Variants in PTPRM observed in about 807,000 individuals in gnomAD.
The protein encoded by PTPRM is receptor-type tyrosine-protein phosphatase mu.
In PTPRM, 47 loss-of-function variants were observed where a neutral mutation model predicts 186.7. The observed-to-expected ratio is 0.25, with a 90% CI of 0.20 to 0.32. The LOEUF (loss-of-function observed/expected upper bound fraction) is 0.32. Ranked by LOEUF, PTPRM falls within the 10% of genes least tolerant of loss-of-function variation. PTPRM has a pLI of 1.00. For synonymous variants in PTPRM, 668 were observed against 674.9 expected, an observed-to-expected ratio of 0.99 and a Z score of 0.16; for missense variants, 1,494 against 1,865.0, an observed-to-expected ratio of 0.80 and a Z score of 3.66.
At chr18:8,004,408 AT>A (rs1188753724) in intron 7 of PTPRM, among the ~76,000 whole-genome samples, 1 of 151,838 alleles carries the variant, frequency 6.6e-6, no homozygotes, top group Non-Finnish European at 1.5e-5. Flanking sequence ...AATGGATAAC[AT>A]TTGGCATGAG....
chr18:7,937,929 C>G (rs978200487), intron 5 of PTPRM, among the ~76,000 whole-genome samples: 1 of 152,110 alleles, frequency 6.6e-6, no homozygotes, highest in Non-Finnish European at 1.5e-5. Flanking sequence ...CTGTCCTGGT[C>G]CATTTCAGGG....
intron 7 of PTPRM, among the ~76,000 whole-genome samples, chr18:7,956,158 G>C (rs1568073359): frequency 6.6e-6 from 1 of 152,184 alleles, no homozygotes; most frequent in Non-Finnish European, 1.5e-5. Flanking sequence ...GTGCTCTTTT[G>C]TCTTGTAAAT....
At chr18:8,243,651 GTCTTC>G (rs377162020) in intron 14 of PTPRM, among the ~76,000 whole-genome samples, 107 of 152,292 alleles carry the variant, frequency 7.0e-4, no homozygotes, top group African/African-American at 2.4e-3. Context: ...ACTCAAGGGA[GTCTTC>G]TCTTTGACAC....
chr18:7,656,052 T>C (rs1386904151), intron 1 of PTPRM, among the ~76,000 whole-genome samples: 1 of 152,164 alleles, frequency 6.6e-6, no homozygotes, highest in East Asian at 1.9e-4. Flanking sequence ...TGATCCAACA[T>C]TGGATGCAAC....
At chr18:7,926,327 T>C (rs1462684381) in intron 4 of PTPRM, among the ~76,000 whole-genome samples, 1 of 152,184 alleles carries the variant, frequency 6.6e-6, no homozygotes, top group Non-Finnish European at 1.5e-5. Context: ...AATATCTCCT[T>C]TCTGTTTCAT....
Position 7,862,558 on chromosome 18 carries a change from T to C in PTPRM, c.197-25548T>C, listed in dbSNP as rs141509080. On this transcript the variant is annotated intron_variant, in intron 2 of 32. Transcript: ENST00000580170. ...CCTCCCAGGGATTTCTCTGATTCCA[T>C]TGAAGAAAGTTTTAAGCAAGTGAAT... 4.9e-3 allele frequency among the ~76,000 whole-genome samples: 750 copies of C among 152,258 alleles called. 7 individuals are homozygous for C. The highest frequency in any genetic ancestry group is 0.027 in the Admixed American group (406 of 15,284).
At chr18:8,299,658 A>T (rs1235227624) in intron 20 of PTPRM, among the ~76,000 whole-genome samples, 1 of 152,166 alleles carries the variant, frequency 6.6e-6, no homozygotes, top group Non-Finnish European at 1.5e-5. Flanking sequence ...AGTCTAGTGC[A>T]GGGGGTTGGC....
At chr18:7,998,427 G>A (rs537307865) in intron 7 of PTPRM, among the ~76,000 whole-genome samples, 1 of 152,156 alleles carries the variant, frequency 6.6e-6, no homozygotes, top group East Asian at 1.9e-4. Flanking sequence ...ATTACACATT[G>A]TATACATGCA....
chr18:8,130,933 C>T (rs1349451200), intron 13 of PTPRM, among the ~76,000 whole-genome samples: 1 of 152,158 alleles, frequency 6.6e-6, no homozygotes, highest in Non-Finnish European at 1.5e-5. Flanking sequence ...AGTGGTGAGA[C>T]ATCGAGTGCA....
intron 4 of PTPRM, among the ~76,000 whole-genome samples, chr18:7,918,078 TTG>T (rs35838540): frequency 0.044 from 6,516 of 147,730 alleles, 205 homozygotes; most frequent in African/African-American, 0.097. Context: ...TCTTGTGTGT[TTG>T]TGTGTGTGTG....
intron 29 of PTPRM, among the ~76,000 whole-genome samples, chr18:8,380,735 C>T (rs895493625): frequency 5.3e-5 from 8 of 152,116 alleles, no homozygotes; most frequent in South Asian, 4.1e-4. Flanking sequence ...GGTCGCAGAC[C>T]GAGTTGGAGC....
At chr18:8,027,089 G>C (rs533692401) in intron 7 of PTPRM, among the ~76,000 whole-genome samples, 1 of 152,240 alleles carries the variant, frequency 6.6e-6, no homozygotes, top group East Asian at 1.9e-4. Context: ...ATATTCTTCT[G>C]TATTGTGTGT....
At chr18:7,683,308 T>C (rs1430643424) in intron 1 of PTPRM, among the ~76,000 whole-genome samples, 1 of 151,924 alleles carries the variant, frequency 6.6e-6, no homozygotes, top group Non-Finnish European at 1.5e-5. Context: ...TAGCTAGGAC[T>C]ACCAGTGTGT....
At chr18:8,302,312 C>T (rs2095167510) in intron 20 of PTPRM, among the ~76,000 whole-genome samples, 1 of 152,022 alleles carries the variant, frequency 6.6e-6, no homozygotes. Context: ...TGAACAGACC[C>T]TGTCATGCCG....
intron 3 of PTPRM, among the ~76,000 whole-genome samples, chr18:7,903,590 C>T (rs943773289): frequency 6.6e-6 from 1 of 152,176 alleles, no homozygotes; most frequent in African/African-American, 2.4e-5. Context: ...TAGCAGGGTC[C>T]CATTGCAGGA....
chr18:7,705,473 C>A (rs768557581), intron 1 of PTPRM, among the ~76,000 whole-genome samples: 6 of 151,602 alleles, frequency 4.0e-5, no homozygotes, highest in Non-Finnish European at 2.9e-5. Context: ...TTCTTCATTG[C>A]CTATGTTTTA....
chr18:8,217,058 A>G (rs1398496539), intron 14 of PTPRM, among the ~76,000 whole-genome samples: 1 of 152,186 alleles, frequency 6.6e-6, no homozygotes, highest in Admixed American at 6.5e-5. Flanking sequence ...TATCTCTTTC[A>G]TTTAATACTG....
chr18:8,334,806 G>A (rs2095429917), intron 22 of PTPRM, among the ~76,000 whole-genome samples: 1 of 152,122 alleles, frequency 6.6e-6, no homozygotes, highest in Non-Finnish European at 1.5e-5. Context: ...ACATGCAGGA[G>A]AGCTCAGTGG....
intron 1 of PTPRM, among the ~76,000 whole-genome samples, chr18:7,612,418 A>T (rs2037698760): frequency 6.6e-6 from 1 of 152,074 alleles, no homozygotes; most frequent in African/African-American, 2.4e-5. Context: ...GGCATTCCTC[A>T]TGCCGATTTC....
Sources: allele counts gnomAD v4.1 joint callset (sites outside exome capture counted in the v4.1 genomes callset), GRCh38; gene constraint gnomAD v4.1.1; transcripts MANE v1.5; gene names NCBI Gene and HGNC (gene_info 2026-07-23, HGNC 2026-07-21).